FAM3D: variants seen among roughly 807,000 people sequenced by gnomAD.
The protein encoded by FAM3D is FAM3 metabolism regulating signaling molecule D, also known as protein FAM3D.
In FAM3D, 26 loss-of-function variants were observed where a neutral mutation model predicts 29.8. That is an observed-to-expected ratio of 0.87 (90% CI 0.64 to 1.21). FAM3D has a LOEUF of 1.21. Among genes scored for constraint, FAM3D ranks in the 50% most tolerant of loss-of-function variants. The probability of loss-of-function intolerance (pLI) is 0.00; values close to 1 mark genes in which losing one functional copy is unlikely to be tolerated. For synonymous variants in FAM3D, 115 were observed against 102.3 expected, an observed-to-expected ratio of 1.12 and a Z score of -0.75; for missense variants, 253 against 290.9, an observed-to-expected ratio of 0.87 and a Z score of 0.95.
At chr3:58,645,381 C>G (rs527539739) in intron 5 of FAM3D, 128 bp downstream of exon 5, 71 of 615,844 alleles carry the variant, frequency 1.2e-4, no homozygotes, top group Non-Finnish European at 1.5e-4. Context: ...GCCTCACACA[C>G]CCAGAGTGAA....
intron 6 of FAM3D, 96 bp downstream of exon 6, chr3:58,643,566 A>C: frequency 3.1e-6 from 4 of 1,294,392 alleles, no homozygotes; most frequent in South Asian, 1.2e-5. Context: ...GCCATGAGGT[A>C]GGAGCTGAGC....
In FAM3D at chr3:58,653,741, C is replaced by T. The variant is rs1306680252; in HGVS notation, c.54G>A (p.Thr18=). Residue 18 remains threonine (T), a synonymous_variant, in exon 3 of 10, where the codon ACG becomes ACA. Coordinates refer to ENST00000358781, the MANE Select transcript of FAM3D (RefSeq NM_138805.3). ...TGTAGCTTCGAATAAACATCCATGT[C>T]GTGACTATGGCAAAGATGAGGGCCA... is the stretch of plus-strand genomic sequence containing the variant. ...RLLALIFAIV[T]TWMFIRSYMS... The T allele has an allele frequency of 3.7e-6, 6 of 1,614,016 alleles. No individual in the cohort carries two copies. Among genetic ancestry groups the T allele is most frequent in the East Asian group, 2.2e-5 (1 of 44,882 alleles).
chr3:58,653,506 A>T (rs540712972), intron 3 of FAM3D, among the ~76,000 whole-genome samples, 168 bp downstream of exon 3: 1 of 151,854 alleles, frequency 6.6e-6, no homozygotes, highest in African/African-American at 2.4e-5. Flanking sequence ...CATGGACTCC[A>T]CCCTTCCTGG....
Position 58,634,524 on chromosome 3 carries a change from C to G in FAM3D, c.586-156G>C, listed in dbSNP as rs1386620687. ...ACTGAGGCTCAGAGAGGGGATGCAACTTGCTCAAGATCTCAGAGATGGGAT... is the reference window on the plus strand; with the variant it reads ...ACTGAGGCTCAGAGAGGGGATGCAAGTTGCTCAAGATCTCAGAGATGGGAT... On this transcript the variant is annotated intron_variant, in intron 9 of 9. Coordinates refer to ENST00000358781, the MANE Select transcript of FAM3D (RefSeq NM_138805.3). This position sits in a 1 kb window ranked among gnomAD's most constrained non-coding sequence, Gnocchi z 4.6. 1 of 624,474 alleles carries G rather than the reference C, an allele frequency of 1.6e-6. No homozygotes were observed. Among genetic ancestry groups the G allele is most frequent in the African/African-American group, 1.9e-5 (1 of 53,192 alleles). 38.7% of individuals were successfully genotyped at this position (624,474 alleles called of 1,614,324 possible).
At chr3:58,636,168 A>T in intron 9 of FAM3D, 126 bp downstream of exon 9, 1 of 1,430,234 alleles carries the variant, frequency 7.0e-7, no homozygotes, top group Middle Eastern at 2.6e-4. Flanking sequence ...AATGACAGCC[A>T]GGGGCCTCTC....
chr3:58,634,105 T>A lies in FAM3D; in HGVS notation c.*174A>T. On this transcript the variant is annotated 3_prime_UTR_variant, in exon 10 of 10. Coordinates refer to ENST00000358781, the MANE Select transcript of FAM3D (RefSeq NM_138805.3). This position sits in a 1 kb window ranked among gnomAD's most constrained non-coding sequence, Gnocchi z 4.6. ...TGAGGCTGGTCTTCCGGGTAGGATG[T>A]GCTGTGGGAGGGTTCTGTTTCCGAG... 1 of 574,170 alleles carries A rather than the reference T, an allele frequency of 1.7e-6. No individual in the cohort carries two copies. Among genetic ancestry groups the A allele is most frequent in the Non-Finnish European group, 3.1e-6 (1 of 326,712 alleles). 35.6% of individuals were successfully genotyped at this position (574,170 alleles called of 1,614,324 possible).
chr3:58,652,472 C>A (rs2066666079), intron 3 of FAM3D, among the ~76,000 whole-genome samples: 1 of 151,130 alleles, frequency 6.6e-6, no homozygotes, highest in Non-Finnish European at 1.5e-5. Flanking sequence ...CCTTCTCCAC[C>A]CACTCATCCA....
chr3:58,645,993 GC>G (rs1425065105), intron 4 of FAM3D, among the ~76,000 whole-genome samples: 1 of 152,204 alleles, frequency 6.6e-6, no homozygotes, highest in Non-Finnish European at 1.5e-5. Flanking sequence ...GTCCCCAGAG[GC>G]CCCTGTTGAG....
chr3:58,638,147 G>A (rs769562050), intron 7 of FAM3D, among the ~76,000 whole-genome samples: 1 of 152,200 alleles, frequency 6.6e-6, no homozygotes, highest in Non-Finnish European at 1.5e-5. Context: ...ACCTCCCAAA[G>A]TGCTGGGATT....
In FAM3D at chr3:58,649,342, G is replaced by C; in HGVS notation, c.122-4C>G. On this transcript the variant is annotated splice_region_variant and splice_polypyrimidine_tract_variant and intron_variant, in intron 3 of 9. Transcript: ENST00000358781. ...ATCTCCTTGGTGGGCGAGGCTGCTG[G>C]AGAGAAGACAGAATCTGGTTAGAGG... is the stretch of plus-strand genomic sequence containing the variant. 6.2e-7 allele frequency: 1 copy of C among 1,613,802 alleles called. No individual in the cohort carries two copies. Among genetic ancestry groups the C allele is most frequent in the African/African-American group, 1.3e-5 (1 of 74,976 alleles).
chr3:58,649,468 A>G, intron 3 of FAM3D, 130 bp from the exon 4 acceptor site: 1 of 1,068,106 alleles, frequency 9.4e-7, no homozygotes. Context: ...TGAACTAAAA[A>G]TGCCTTGCCA....
At chr3:58,649,713 C>T (rs1335669471) in intron 3 of FAM3D, among the ~76,000 whole-genome samples, 3 of 152,156 alleles carry the variant, frequency 2.0e-5, no homozygotes, top group Non-Finnish European at 2.9e-5. Flanking sequence ...TACACACATA[C>T]ACTTGTACAA....
intron 1 of FAM3D, among the ~76,000 whole-genome samples, chr3:58,658,079 A>G (rs2066858666): frequency 6.6e-6 from 1 of 152,130 alleles, no homozygotes; most frequent in Non-Finnish European, 1.5e-5. Flanking sequence ...AATCACTGCA[A>G]GCCACCCCGT....
intron 8 of FAM3D, among the ~76,000 whole-genome samples, chr3:58,636,769 GTT>G (rs10707711): frequency 5.7e-4 from 86 of 152,096 alleles, no homozygotes; most frequent in Admixed American, 1.5e-3. Flanking sequence ...TCCATACAGT[GTT>G]TTTTTTTCCC....
Position 58,635,711 on chromosome 3 carries a change from T to C in FAM3D, c.585+583A>G, listed in dbSNP as rs1448288027. ...TTCTAGTTACCCAAATACATCCTCT[T>C]AGAAACACACGCATACAGACCAAGA... On this transcript the variant is annotated intron_variant, in intron 9 of 9. Transcript: ENST00000358781. The surrounding 1 kb of genome is among the most constrained non-coding windows in gnomAD (Gnocchi z 5.2). Among the ~76,000 whole-genome samples the C allele has an allele frequency of 1.3e-5, 2 of 152,208 alleles. No homozygotes were observed. The highest frequency in any genetic ancestry group is 2.9e-5 in the Non-Finnish European group (2 of 68,042).
At chr3:58,651,641 A>G (rs963765774) in intron 3 of FAM3D, among the ~76,000 whole-genome samples, 23 of 152,288 alleles carry the variant, frequency 1.5e-4, no homozygotes, top group Admixed American at 1.2e-3. Context: ...AACCCCAGGT[A>G]GTTGAGTACT....
At position 58,634,913 on chromosome 3, in the gene FAM3D, C is replaced by T. The variant is rs1267027657; in HGVS notation, c.586-545G>A. Among the ~76,000 whole-genome samples the T allele has an allele frequency of 6.6e-6, 1 of 152,142 alleles. No individual in the cohort carries two copies. The highest frequency in any genetic ancestry group is 2.4e-5 in the African/African-American group (1 of 41,418). ...ATAAGGGGTGGGGTGCAGTGGCTCA[C>T]ACCTATCATCCCAGCACTTTGGGAG... On this transcript the variant is annotated intron_variant, in intron 9 of 9. Transcript: ENST00000358781. The surrounding 1 kb of genome is among the most constrained non-coding windows in gnomAD (Gnocchi z 4.6).
chr3:58,643,635 C>A (rs1189846522), intron 6 of FAM3D, 27 bp downstream of exon 6: 5 of 1,612,222 alleles, frequency 3.1e-6, no homozygotes, highest in African/African-American at 1.3e-5. Flanking sequence ...TGGGTGGGAA[C>A]TGTCTGGGGA....
intron 1 of FAM3D, among the ~76,000 whole-genome samples, chr3:58,665,316 G>T (rs530044375): frequency 6.6e-6 from 1 of 151,828 alleles, no homozygotes; most frequent in East Asian, 1.9e-4. Flanking sequence ...GAGCTGCTCT[G>T]CCCTCCTCTT....
Sources: gnomAD v4.1 joint callset for allele counts (sites outside exome capture counted in the v4.1 genomes callset) on GRCh38, gnomAD v4.1.1 for gene constraint, Gnocchi (gnomAD v3.1) non-coding constraint, MANE v1.5 for transcripts, NCBI Gene and HGNC (gene_info 2026-07-23, HGNC 2026-07-21) for gene names.